ZBTB5: variants seen among roughly 807,000 people sequenced by gnomAD.
ZBTB5 encodes the protein zinc finger and BTB domain containing 5, also known as zinc finger and BTB domain-containing protein 5.
ZBTB5 carries 15 observed loss-of-function variants against 37.9 expected under a neutral mutation model. The ratio of observed to expected loss-of-function variants is 0.40; its 90% CI spans 0.26 to 0.61. ZBTB5 has a LOEUF of 0.61. Among genes scored for constraint, ZBTB5 ranks in the 20% least tolerant of loss-of-function variants. The pLI, the probability that ZBTB5 is intolerant of heterozygous loss-of-function variation, is 0.47. For synonymous variants in ZBTB5, 315 were observed against 312.4 expected, an observed-to-expected ratio of 1.01 and a Z score of -0.09; for missense variants, 708 against 856.8, an observed-to-expected ratio of 0.83 and a Z score of 2.17.
At chr9:37,445,689 A>G (rs1175978145) in intron 1 of ZBTB5, among the ~76,000 whole-genome samples, 1 of 152,028 alleles carries the variant, frequency 6.6e-6, no homozygotes, top group East Asian at 1.9e-4. Flanking sequence ...ATAGTGGAAG[A>G]AACAGCTGAA....
At chr9:37,453,470 T>G (rs1824137491) in intron 1 of ZBTB5, among the ~76,000 whole-genome samples, 2 of 152,152 alleles carry the variant, frequency 1.3e-5, no homozygotes, top group African/African-American at 4.8e-5. Flanking sequence ...GTGAGCACCA[T>G]GAAGTTTTCA....
rs752569840 is a variant in ZBTB5 at position 37,440,979 on chromosome 9, GGGAA to G, written c.1569_1572del (p.Ser524GlnfsTer14). The G allele has an allele frequency of 6.2e-7, 1 of 1,614,150 alleles. No individual in the cohort carries two copies. Among genetic ancestry groups the G allele is most frequent in the Non-Finnish European group, 8.5e-7 (1 of 1,180,032 alleles). On this transcript the variant is annotated frameshift_variant, in exon 2 of 2. Transcript: ENST00000307750. LOFTEE classifies it high-confidence loss of function. Reference sequence around the variant, plus strand: ...GGAAAGTTACTGGCTCCTCCCCTTGGGGAACCTATCATTACCCTGGAGAAGGAGG... The same window carrying G: ...GGAAAGTTACTGGCTCCTCCCCTTGGCCTATCATTACCCTGGAGAAGGAGG...
intron 1 of ZBTB5, among the ~76,000 whole-genome samples, chr9:37,458,298 A>C: frequency 6.6e-6 from 1 of 152,234 alleles, no homozygotes; most frequent in Admixed American, 6.5e-5. Context: ...TCAACTCTTG[A>C]GTACCTGTTT....
At chr9:37,442,627 G>A in intron 1 of ZBTB5, 72 bp from the exon 2 acceptor site, 2 of 1,257,740 alleles carry the variant, frequency 1.6e-6, no homozygotes, top group Non-Finnish European at 2.2e-6. Context: ...AGGGTATGAT[G>A]AAAAGAGTGG....
chr9:37,463,884 C>T (rs1205579124), intron 1 of ZBTB5, among the ~76,000 whole-genome samples: 1 of 152,144 alleles, frequency 6.6e-6, no homozygotes, highest in East Asian at 1.9e-4. Context: ...TTCAGCAAAA[C>T]CCAAGGGCCC....
In ZBTB5 at chr9:37,441,307, CTT is replaced by C; in HGVS notation, c.1243_1244del (p.Lys415GlufsTer5). 1 of 1,614,074 alleles carries C rather than the reference CTT, an allele frequency of 6.2e-7. No individual in the cohort carries two copies. Among genetic ancestry groups the C allele is most frequent in the Non-Finnish European group, 8.5e-7 (1 of 1,180,022 alleles). On this transcript the variant is annotated frameshift_variant, in exon 2 of 2. Coordinates refer to ENST00000307750, the MANE Select transcript of ZBTB5 (RefSeq NM_014872.3). LOFTEE classifies it high-confidence loss of function. Reference sequence around the variant, plus strand: ...TTGCAGTAAAGTTATTTCCTCTGCTCTTGTTAAGAAAATTCGAAATACTAAAA... The same window carrying C: ...TTGCAGTAAAGTTATTTCCTCTGCTCGTTAAGAAAATTCGAAATACTAAAA... Reference protein sequence around the residue: ...STFSISNFLNKSRGNNFTANQ... With the variant: ...STFSISNFLNXSRGNNFTANQ...
chr9:37,442,619 G>T, intron 1 of ZBTB5, 64 bp from the exon 2 acceptor site: 1 of 1,349,070 alleles, frequency 7.4e-7, no homozygotes, highest in Non-Finnish European at 1.0e-6. Context: ...GAACACAAAG[G>T]GTATGATGAA....
At position 37,439,967 on chromosome 9, in the gene ZBTB5, C is replaced by T. The variant is rs1823826878; in HGVS notation, c.*551G>A. 1 of 157,038 alleles carries T rather than the reference C, an allele frequency of 6.4e-6. No individual in the cohort carries two copies. Among genetic ancestry groups the T allele is most frequent in the Non-Finnish European group, 1.4e-5 (1 of 70,772 alleles). 9.7% of individuals were successfully genotyped at this position (157,038 alleles called of 1,614,324 possible). ...CAGCACCAAAGTGCAGTGTTTATGA[C>T]TGCAAATCAGGTAAAAATAAAAAAT... On this transcript the variant is annotated 3_prime_UTR_variant, in exon 2 of 2. Transcript: ENST00000307750.
intron 1 of ZBTB5, among the ~76,000 whole-genome samples, chr9:37,448,212 C>A (rs1179459069): frequency 7.9e-5 from 12 of 152,160 alleles, no homozygotes; most frequent in Non-Finnish European, 5.9e-5. Flanking sequence ...TACACTAGAT[C>A]CCCCATCACA....
chr9:37,441,005 G>A lies in ZBTB5; in HGVS notation c.1547C>T (p.Ser516Phe). 6.2e-7 allele frequency: 1 copy of A among 1,614,156 alleles called. No individual in the cohort carries two copies. The highest frequency in any genetic ancestry group is 8.5e-7 in the Non-Finnish European group (1 of 1,180,010). ...GGAACCTATCATTACCCTGGAGAAG[G>A]AGGAGTGGAGGCCCAAACCAGACCT... ...FSRSGLGLHS[S>F]FSRVMIGSPR... Residue 516 changes from serine (S) to phenylalanine (F), a missense_variant, in exon 2 of 2, where the codon TCC (serine) becomes TTC (phenylalanine). Physicochemically the swap from Ser to Phe is radical, Grantham distance 155 (BLOSUM62 -2). This residue lies in a region of ZBTB5 where 639 missense variants were observed against 690.5 expected (regional missense o/e 0.93). Transcript: ENST00000307750.
chr9:37,455,895 T>C (rs1385465960), intron 1 of ZBTB5, among the ~76,000 whole-genome samples: 1 of 151,484 alleles, frequency 6.6e-6, no homozygotes, highest in Non-Finnish European at 1.5e-5. Context: ...GCTTTTGAAC[T>C]CCAGCGCTCA....
chr9:37,461,732 C>CA (rs112634134), intron 1 of ZBTB5, among the ~76,000 whole-genome samples: 25 of 144,842 alleles, frequency 1.7e-4, no homozygotes, highest in East Asian at 4.0e-4. Flanking sequence ...GACCCTGTCT[C>CA]AAAAAAAAAA....
At chr9:37,455,506 A>G (rs1473123768) in intron 1 of ZBTB5, among the ~76,000 whole-genome samples, 1 of 152,208 alleles carries the variant, frequency 6.6e-6, no homozygotes, top group Non-Finnish European at 1.5e-5. Context: ...GGCAAGCTAA[A>G]AGAGCACTGT....
chr9:37,439,536 G>A lies in ZBTB5; in HGVS notation c.*982C>T, dbSNP rs2118925979. On this transcript the variant is annotated 3_prime_UTR_variant, in exon 2 of 2. Coordinates refer to ENST00000307750, the MANE Select transcript of ZBTB5 (RefSeq NM_014872.3). ...CGTCGAAAACGGTAATCTAAACCTG[G>A]GAGAGTTGCTATATGGGGAGGGGAG... 6.6e-6 allele frequency: 1 copy of A among 152,238 alleles called. No homozygotes were observed. The highest frequency in any genetic ancestry group is 2.1e-4 in the South Asian group (1 of 4,820). The allele number at this position is 152,238 out of a possible 1,614,324, so 9.4% of individuals were successfully genotyped here. A position where few individuals can be genotyped will look rare whatever the true frequency, so the allele number is the denominator to read the frequency against.
intron 1 of ZBTB5, among the ~76,000 whole-genome samples, chr9:37,445,571 C>T (rs1458658752): frequency 1.3e-5 from 2 of 150,308 alleles, no homozygotes; most frequent in East Asian, 2.0e-4. Context: ...CACTTGAGCC[C>T]GGAGTCAGAA....
chr9:37,449,958 T>C (rs967002090), intron 1 of ZBTB5, among the ~76,000 whole-genome samples: 2 of 151,946 alleles, frequency 1.3e-5, no homozygotes, highest in South Asian at 4.2e-4. Context: ...CAGCAGACAA[T>C]GGGGCAGGCC....
intron 1 of ZBTB5, among the ~76,000 whole-genome samples, chr9:37,458,027 C>T (rs879758774): frequency 5.9e-5 from 9 of 152,156 alleles, no homozygotes; most frequent in Non-Finnish European, 1.3e-4. Flanking sequence ...TAAGTTTAAG[C>T]AGCACATCAG....
intron 1 of ZBTB5, among the ~76,000 whole-genome samples, chr9:37,455,177 CAG>C (rs533267038): frequency 9.9e-5 from 15 of 152,102 alleles, no homozygotes; most frequent in African/African-American, 1.7e-4. Context: ...AGCAGACAAA[CAG>C]AATGTGCAGA....
rs1335530826 is a variant in ZBTB5 at position 37,441,281 on chromosome 9, T to A, written c.1271A>T (p.Asn424Ile). ...TGGAATATTATCATCATTGTTCTGA[T>A]TTGCAGTAAAGTTATTTCCTCTGCT... ...NKSRGNNFTANQNNDDNIPNT... is the reference protein window; with the variant it reads ...NKSRGNNFTAIQNNDDNIPNT... The change falls in exon 2 of 2, where the codon AAT becomes ATT. Residue 424 changes from asparagine (N) to isoleucine (I), a missense_variant. Asn to Ile is a moderately radical substitution (Grantham distance 149, BLOSUM62 -3). This residue lies in a region of ZBTB5 where 639 missense variants were observed against 690.5 expected (regional missense o/e 0.93). Coordinates refer to ENST00000307750, the MANE Select transcript of ZBTB5 (RefSeq NM_014872.3). 4 of 1,614,058 alleles carry A rather than the reference T, an allele frequency of 2.5e-6. No homozygotes were observed. The South Asian group carries it at 4.4e-5, about 18-fold the overall frequency.
Sources: gnomAD v4.1 joint callset for allele counts (sites outside exome capture counted in the v4.1 genomes callset) on GRCh38, gnomAD v4.1.1 for gene constraint, gnomAD v4.1.1 regional missense constraint, MANE v1.5 for transcripts, NCBI Gene and HGNC (gene_info 2026-07-23, HGNC 2026-07-21) for gene names.